Variants in SDC2 observed in about 807,000 individuals in gnomAD.
SDC2 encodes the protein syndecan 2.
A neutral mutation model predicts 22.2 loss-of-function variants in SDC2; 13 were observed. The ratio of observed to expected loss-of-function variants is 0.59; its 90% CI spans 0.38 to 0.93. The LOEUF is 0.93. Among genes scored for constraint, SDC2 ranks in the 40% least tolerant of loss-of-function variants. The pLI is 0.00. For missense variants in SDC2, 235 were observed against 246.8 expected, an observed-to-expected ratio of 0.95 and a Z score of 0.32; for synonymous variants, 94 against 92.8, an observed-to-expected ratio of 1.01 and a Z score of -0.07.
Position 96,494,132 on chromosome 8 carries a change from C to G in SDC2, c.-140C>G. ...AGCGAGCGCCCCCGAGCCCCGAGCC[C>G]GAGTCCCCGAGCCTGAGCCGCAATC... On this transcript the variant is annotated 5_prime_UTR_variant, in exon 1 of 5. Transcript: ENST00000302190. 1 of 823,564 alleles carries G rather than the reference C, an allele frequency of 1.2e-6. No homozygotes were observed. Among genetic ancestry groups the G allele is most frequent in the Non-Finnish European group, 1.8e-6 (1 of 549,386 alleles). The allele number at this position is 823,564 out of a possible 1,614,324, so 51.0% of individuals were successfully genotyped here. A position where few individuals can be genotyped will look rare whatever the true frequency, so the allele number is the denominator to read the frequency against.
At position 96,596,357 on chromosome 8, in the gene SDC2, T is replaced by C. The variant is rs189931003; in HGVS notation, c.172+2766T>C. ...TCCCTTCTTTCATCCAGCTATCCAG[T>C]AGAAAAGCAAATGGATTGGAAAAAA... On this transcript the variant is annotated intron_variant, in intron 2 of 4. Coordinates refer to ENST00000302190, the MANE Select transcript of SDC2 (RefSeq NM_002998.4). Among the ~76,000 whole-genome samples the C allele has an allele frequency of 5.9e-5, 9 of 152,226 alleles. No homozygotes were observed. The East Asian group carries it at 1.4e-3, about 23-fold the overall frequency.
intron 1 of SDC2, among the ~76,000 whole-genome samples, chr8:96,549,734 A>C (rs73698119): frequency 0.077 from 11,683 of 152,278 alleles, 592 homozygotes; most frequent in Middle Eastern, 0.17. Flanking sequence ...GCATATTTCC[A>C]AATGCCTTTG....
intron 1 of SDC2, among the ~76,000 whole-genome samples, chr8:96,519,005 C>T (rs868442751): frequency 2.0e-5 from 3 of 152,304 alleles, no homozygotes; most frequent in Middle Eastern, 3.4e-3. Context: ...TCTAAAAACA[C>T]ACATGCAAAT....
intron 1 of SDC2, among the ~76,000 whole-genome samples, chr8:96,537,939 C>CTGTG (rs2130503612): frequency 1.0e-5 from 1 of 96,228 alleles, no homozygotes; most frequent in Admixed American, 1.0e-4. Context: ...ATCTGTAAAG[C>CTGTG]TTATGTTTTG....
intron 2 of SDC2, among the ~76,000 whole-genome samples, chr8:96,601,966 G>A (rs1362566024): frequency 6.6e-6 from 1 of 151,984 alleles, no homozygotes; most frequent in Admixed American, 6.6e-5. Flanking sequence ...CACCATATAG[G>A]CCAGGCTGGT....
chr8:96,607,051 C>T (rs916992324), intron 3 of SDC2, among the ~76,000 whole-genome samples: 3 of 152,128 alleles, frequency 2.0e-5, no homozygotes, highest in Admixed American at 1.3e-4. Flanking sequence ...AGCGCAAACG[C>T]GATTGTGAAC....
At position 96,494,221 on chromosome 8, in the gene SDC2, GT is replaced by G; in HGVS notation, c.-47del. 6.5e-7 allele frequency: 1 copy of G among 1,529,978 alleles called. No homozygotes were observed. 94.8% of individuals were successfully genotyped at this position (1,529,978 alleles called of 1,614,324 possible). A position where few individuals can be genotyped will look rare whatever the true frequency, so the allele number is the denominator to read the frequency against. On this transcript the variant is annotated 5_prime_UTR_variant, in exon 1 of 5. Transcript: ENST00000302190. ...CGCCGAGCGCTGGGCAGGAGGCTTC[GT>G]TTTGCCCTGGTTGCAAGCAGCGGCT...
intron 1 of SDC2, among the ~76,000 whole-genome samples, chr8:96,522,518 T>G (rs149763261): frequency 0.011 from 1,636 of 152,320 alleles, 29 homozygotes; most frequent in African/African-American, 0.038. Flanking sequence ...CTTTCCTCCA[T>G]TTTGTCCCCA....
intron 2 of SDC2, among the ~76,000 whole-genome samples, chr8:96,594,231 T>A (rs1814833832): frequency 6.6e-6 from 1 of 152,246 alleles, no homozygotes; most frequent in Non-Finnish European, 1.5e-5. Context: ...TTCATTTAAC[T>A]TATTATTCTG....
chr8:96,576,416 C>CTTTTTTTT (rs71267268), intron 1 of SDC2, among the ~76,000 whole-genome samples: 1,459 of 13,710 alleles, frequency 0.11, 287 homozygotes, highest in Non-Finnish European at 0.2. Context: ...TTATTATTCT[C>CTTTTTTTT]TTTTTTTTTT....
At chr8:96,534,568 AAGACTAT>A (rs1275745114) in intron 1 of SDC2, among the ~76,000 whole-genome samples, 1 of 151,978 alleles carries the variant, frequency 6.6e-6, no homozygotes, top group Non-Finnish European at 1.5e-5. Flanking sequence ...CTGAGTAGCC[AAGACTAT>A]AGGCGCATAC....
chr8:96,537,316 C>T (rs1233408437), intron 1 of SDC2: 1 of 152,056 alleles, frequency 6.6e-6, no homozygotes, highest in African/African-American at 2.4e-5. Context: ...AAAAAAACCC[C>T]ACTCTGATTC....
At chr8:96,547,669 G>A (rs1813956453) in intron 1 of SDC2, among the ~76,000 whole-genome samples, 2 of 152,072 alleles carry the variant, frequency 1.3e-5, no homozygotes, top group Admixed American at 1.3e-4. Context: ...GCAAAAGCAT[G>A]AGCGTCTAGG....
At chr8:96,572,034 C>G (rs1414409516) in intron 1 of SDC2, among the ~76,000 whole-genome samples, 1 of 152,140 alleles carries the variant, frequency 6.6e-6, no homozygotes, top group African/African-American at 2.4e-5. Flanking sequence ...GTTTATCCTT[C>G]TGTTAAAGGC....
In SDC2 at chr8:96,598,518, TGA is replaced by T. The variant is rs139862319; in HGVS notation, c.173-3875_173-3874del. Among the ~76,000 whole-genome samples the T allele has an allele frequency of 0.011, 1,633 of 152,212 alleles. 88 individuals are homozygous for T. In the East Asian group the frequency reaches 0.16, roughly 15 times the overall value. ...CTGTAATCCCAGCTACTTGGGAGGC[TGA>T]GTCAGGAGAATCGCTTGAACTCGGG... is the stretch of plus-strand genomic sequence containing the variant. On this transcript the variant is annotated intron_variant, in intron 2 of 4. Transcript: ENST00000302190.
intron 1 of SDC2, among the ~76,000 whole-genome samples, chr8:96,515,739 G>C (rs1260608288): frequency 6.6e-6 from 1 of 152,096 alleles, no homozygotes; most frequent in Admixed American, 6.5e-5. Context: ...TGAGGCCACG[G>C]GTATTGTATT....
intron 1 of SDC2, among the ~76,000 whole-genome samples, chr8:96,544,571 C>G (rs924488258): frequency 1.3e-5 from 2 of 152,180 alleles, no homozygotes; most frequent in South Asian, 4.1e-4. Flanking sequence ...TGGCCCTTAT[C>G]ATACCCTGCT....
At chr8:96,565,878 A>T (rs1214846999) in intron 1 of SDC2, among the ~76,000 whole-genome samples, 1 of 152,180 alleles carries the variant, frequency 6.6e-6, no homozygotes, top group African/African-American at 2.4e-5. Flanking sequence ...TTCTGCAGCC[A>T]GTTGACATAG....
chr8:96,606,239 G>T (rs1815076982), intron 3 of SDC2, among the ~76,000 whole-genome samples: 1 of 151,822 alleles, frequency 6.6e-6, no homozygotes, highest in Admixed American at 6.6e-5. Context: ...TCCTCCACAG[G>T]TACACAGCAC....
Sources: allele counts gnomAD v4.1 joint callset (sites outside exome capture counted in the v4.1 genomes callset), GRCh38; gene constraint gnomAD v4.1.1; transcripts MANE v1.5; gene names NCBI Gene and HGNC (gene_info 2026-07-23, HGNC 2026-07-21).